SCARF1: variants seen among roughly 807,000 people sequenced by gnomAD.
SCARF1 encodes the protein acetyl LDL receptor.
SCARF1 carries 49 observed loss-of-function variants against 76.3 expected under a neutral mutation model. The ratio of observed to expected loss-of-function variants is 0.64; its 90% CI spans 0.51 to 0.81. The LOEUF (loss-of-function observed/expected upper bound fraction) is 0.81, where lower values mean the gene tolerates loss of function less well. SCARF1 is among the 40% of genes least tolerant of loss of function. The pLI, the probability that SCARF1 is intolerant of heterozygous loss-of-function variation, is 0.00. For synonymous variants in SCARF1, 495 were observed against 474.6 expected (o/e 1.04, Z -0.56); for missense variants, 1,098 against 1,143.9 (o/e 0.96, Z 0.58).
Position 1,644,333 on chromosome 17 carries a change from C to T in SCARF1, c.266-366G>A. ...TGGGCTGGAGGAGAGCTGGCTTTCT[C>T]CTGATCTCAGGCCTGGATACTGCCC... On this transcript the variant is annotated intron_variant, in intron 3 of 10. Transcript: ENST00000263071. The surrounding 1 kb of genome is among the most constrained non-coding windows in gnomAD (Gnocchi z 4.8). 3.5e-6 allele frequency: 1 copy of T among 285,966 alleles called. No individual in the cohort carries two copies. Among genetic ancestry groups the T allele is most frequent in the Non-Finnish European group, 6.5e-6 (1 of 153,204 alleles). The allele number at this position is 285,966 out of a possible 1,614,324, so 17.7% of individuals were successfully genotyped here.
rs372791729 is a variant in SCARF1, at chr17:1,640,716, G to A, written c.792-50C>T. 2.2e-5 allele frequency: 34 copies of A among 1,514,914 alleles called. No homozygotes were observed. The highest frequency in any genetic ancestry group is 2.0e-4 in the Middle Eastern group (1 of 4,928). The allele number at this position is 1,514,914 out of a possible 1,614,324, so 93.8% of individuals were successfully genotyped here. A position where few individuals can be genotyped will look rare whatever the true frequency, so the allele number is the denominator to read the frequency against. ...AACAGTGGGGGTGGATGGATGGAGC[G>A]CCCACCCCCTCCTACCCCTGTACTC... On this transcript the variant is annotated intron_variant, in intron 4 of 10. Coordinates refer to ENST00000263071, the MANE Select transcript of SCARF1 (RefSeq NM_003693.4). The surrounding 1 kb of genome is among the most constrained non-coding windows in gnomAD (Gnocchi z 4.7).
rs777229187 is a variant in SCARF1 at position 1,635,006 on chromosome 17, AGCCAGAGGCAAGGCCAGGGCT to A, written c.2224_2244del (p.Pro743_Ser749del). ...GCTGAGTTGGGGCTCTGGCCGACAG[AGCCAGAGGCAAGGCCAGGGCT>A]GCCCTTTTTCCGATTCAGGGCCTGG... On this transcript the variant is annotated inframe_deletion, in exon 11 of 11. Coordinates refer to ENST00000263071, the MANE Select transcript of SCARF1 (RefSeq NM_003693.4). 6.2e-7 allele frequency: 1 copy of A among 1,613,884 alleles called. No individual in the cohort carries two copies. Among genetic ancestry groups the A allele is most frequent in the Non-Finnish European group, 8.5e-7 (1 of 1,179,888 alleles).
In SCARF1 at chr17:1,637,011, C is replaced by T. The variant is rs201292021; in HGVS notation, c.1416G>A (p.Gly472=). 8 of 1,613,830 alleles carry T rather than the reference C, an allele frequency of 5.0e-6. No homozygotes were observed. Among genetic ancestry groups the T allele is most frequent in the Non-Finnish European group, 6.8e-6 (8 of 1,179,984 alleles). ...TVSRMKLQVW[G]TLTSLGSTLP... is the part of the protein sequence containing the mutation. ...GCGTGGAGCCCAAGCTGGTCAGTGTCCCCCAGACCTGCAGCTTCATCCTGG... is the reference window on the plus strand; with the variant it reads ...GCGTGGAGCCCAAGCTGGTCAGTGTTCCCCAGACCTGCAGCTTCATCCTGG... The change falls in exon 9 of 11, where the codon GGG becomes GGA. Residue 472 remains glycine (G), a synonymous_variant. Coordinates refer to ENST00000263071, the MANE Select transcript of SCARF1 (RefSeq NM_003693.4).
chr17:1,644,748 G>C lies in SCARF1; in HGVS notation c.265+86C>G. 7.7e-7 allele frequency: 1 copy of C among 1,297,308 alleles called. No individual in the cohort carries two copies. The highest frequency in any genetic ancestry group is 1.1e-6 in the Non-Finnish European group (1 of 924,372). 80.4% of individuals were successfully genotyped at this position (1,297,308 alleles called of 1,614,324 possible). On this transcript the variant is annotated intron_variant, in intron 3 of 10. Transcript: ENST00000263071. This position sits in a 1 kb window ranked among gnomAD's most constrained non-coding sequence, Gnocchi z 4.8. ...ATTCTGGCCCTGCTGTCCTGAGGCT[G>C]CATGGCTACCTGCCTCGCCTGCTCC...
chr17:1,640,543 G>A lies in SCARF1; in HGVS notation c.915C>T (p.Ser305=), dbSNP rs919427227. The change falls in exon 5 of 11, where the codon AGC becomes AGT. Residue 305 remains serine, a synonymous_variant. Coordinates refer to ENST00000263071, the MANE Select transcript of SCARF1 (RefSeq NM_003693.4). This position sits in a 1 kb window ranked among gnomAD's most constrained non-coding sequence, Gnocchi z 4.7. ...GGCAGTGAGGGCACTGCTGTTCGCA[G>A]CTCTCGCCAAAGGTGCCAGGCAGGC... ...QPCLPGTFGE[S]CEQQCPHCRH... 4 of 1,605,860 alleles carry A rather than the reference G, an allele frequency of 2.5e-6. No homozygotes were observed. Among genetic ancestry groups the A allele is most frequent in the Admixed American group, 1.7e-5 (1 of 59,416 alleles).
chr17:1,644,717 G>T lies in SCARF1; in HGVS notation c.265+117C>A, dbSNP rs1282249629. On this transcript the variant is annotated intron_variant, in intron 3 of 10. Coordinates refer to ENST00000263071, the MANE Select transcript of SCARF1 (RefSeq NM_003693.4). The surrounding 1 kb of genome is among the most constrained non-coding windows in gnomAD (Gnocchi z 4.8). ...GGACCGCAATTCCTCAGTGAAGCTG[G>T]GGGGGATTCTGGCCCTGCTGTCCTG... 3.5e-5 allele frequency: 33 copies of T among 936,822 alleles called. No homozygotes were observed. The highest frequency in any genetic ancestry group is 4.9e-5 in the Non-Finnish European group (30 of 609,574). 58.0% of individuals were successfully genotyped at this position (936,822 alleles called of 1,614,324 possible).
At chr17:1,642,146 C>G (rs574784724) in intron 4 of SCARF1, among the ~76,000 whole-genome samples, 2 of 151,408 alleles carry the variant, frequency 1.3e-5, no homozygotes. Context: ...TTGTAAGAAA[C>G]CATTTTTTTA....
At chr17:1,643,091 G>A (rs1450007097) in intron 4 of SCARF1, among the ~76,000 whole-genome samples, 1 of 147,192 alleles carries the variant, frequency 6.8e-6, no homozygotes, top group South Asian at 2.2e-4. Context: ...GCCCCGCCGC[G>A]GCCACCTGTC....
Position 1,644,067 on chromosome 17 carries a change from CT to C in SCARF1, c.266-101del. On this transcript the variant is annotated intron_variant, in intron 3 of 10. Transcript: ENST00000263071. This position sits in a 1 kb window ranked among gnomAD's most constrained non-coding sequence, Gnocchi z 4.8. Reference sequence around the variant, plus strand: ...AAGGAAAAGGGGCGCTGGGCCCATCCTCCAAGAGCCGGGGACAGACCCTCAG... The same window carrying C: ...AAGGAAAAGGGGCGCTGGGCCCATCCCCAAGAGCCGGGGACAGACCCTCAG... The C allele has an allele frequency of 1.0e-6, 1 of 975,106 alleles. No individual in the cohort carries two copies. The highest frequency in any genetic ancestry group is 1.3e-6 in the Non-Finnish European group (1 of 747,992). 60.4% of individuals were successfully genotyped at this position (975,106 alleles called of 1,614,324 possible). A position where few individuals can be genotyped will look rare whatever the true frequency, so the allele number is the denominator to read the frequency against.
chr17:1,639,730 G>T lies in SCARF1; in HGVS notation c.1152C>A (p.Ser384=). ...AGYWGPSCNA[S]CPAGFHGNNC... is the part of the protein sequence containing the mutation. ...TGTTTCCATGGAAACCGGCTGGGCAGGAGGCGTTGCAGCTATGGAGTGACA... is the reference window on the plus strand; with the variant it reads ...TGTTTCCATGGAAACCGGCTGGGCATGAGGCGTTGCAGCTATGGAGTGACA... The change falls in exon 7 of 11, where the codon TCC becomes TCA. Residue 384 remains serine (S), a synonymous_variant. Transcript: ENST00000263071. 6.2e-7 allele frequency: 1 copy of T among 1,601,110 alleles called. No individual in the cohort carries two copies. The highest frequency in any genetic ancestry group is 1.3e-5 in the African/African-American group (1 of 74,918).
Position 1,634,565 on chromosome 17 carries a change from G to A in SCARF1, c.*193C>T. 1 of 621,858 alleles carries A rather than the reference G, an allele frequency of 1.6e-6. No homozygotes were observed. Among genetic ancestry groups the A allele is most frequent in the East Asian group, 2.9e-5 (1 of 34,458 alleles). The allele number at this position is 621,858 out of a possible 1,614,324, so 38.5% of individuals were successfully genotyped here. A position where few individuals can be genotyped will look rare whatever the true frequency, so the allele number is the denominator to read the frequency against. On this transcript the variant is annotated 3_prime_UTR_variant, in exon 11 of 11. Transcript: ENST00000263071. ...CAACCCTTCCTGACCCCATCCTACA[G>A]GGTCTCTGCCCAGGCCTTCCTGGGC...
intron 8 of SCARF1, among the ~76,000 whole-genome samples, chr17:1,637,645 T>C (rs539730208): frequency 4.6e-5 from 7 of 152,256 alleles, no homozygotes; most frequent in Admixed American, 3.3e-4. Flanking sequence ...GCTAATTTTG[T>C]ATTTTTAGTA....
rs373965805 is a variant in SCARF1 at position 1,645,273 on chromosome 17, G to C, written c.102-34C>G. 24 of 1,607,818 alleles carry C rather than the reference G, an allele frequency of 1.5e-5. No homozygotes were observed. The highest frequency in any genetic ancestry group is 2.2e-5 in the East Asian group (1 of 44,852). ...CAAAAAGGGGTCAGCCGGACATGGT[G>C]GGGGGTGCAGCCTGGCCCTGAGGAA... On this transcript the variant is annotated intron_variant, in intron 1 of 10. Coordinates refer to ENST00000263071, the MANE Select transcript of SCARF1 (RefSeq NM_003693.4). The surrounding 1 kb of genome is among the most constrained non-coding windows in gnomAD (Gnocchi z 6.3).
At position 1,645,195 on chromosome 17, in the gene SCARF1, T is replaced by C; in HGVS notation, c.146A>G (p.Asp49Gly). Reference sequence around the variant, plus strand: ...CTACTCACGGATGGTGCATTCTTGATCCTTCTGCCTCCAGCCTGCGCAGCA... The same window carrying C: ...CTACTCACGGATGGTGCATTCTTGACCCTTCTGCCTCCAGCCTGCGCAGCA... The part of the protein sequence containing the change: ...LQCCAGWRQK[D>G]QECTIPICEG... Residue 49 changes from aspartate (D) to glycine (G), a missense_variant, in exon 2 of 11, where the codon GAT becomes GGT. Asp to Gly is a moderately conservative substitution (Grantham distance 94). Coordinates refer to ENST00000263071, the MANE Select transcript of SCARF1 (RefSeq NM_003693.4). The surrounding 1 kb of genome is among the most constrained non-coding windows in gnomAD (Gnocchi z 6.3). 1.2e-6 allele frequency: 2 copies of C among 1,613,726 alleles called. No homozygotes were observed. The highest frequency in any genetic ancestry group is 1.3e-5 in the African/African-American group (1 of 75,032).
rs931724063 is a variant in SCARF1, at chr17:1,643,892, G to T, written c.341C>A (p.Ala114Asp). 4.0e-5 allele frequency: 53 copies of T among 1,320,880 alleles called. 1 individual carries two copies. In the African/African-American group the frequency reaches 7.5e-4, roughly 19 times the overall value. 81.8% of individuals were successfully genotyped at this position (1,320,880 alleles called of 1,614,324 possible). ...GGCCTGGCACTGGCACGCGCCCGTG[G>T]CTGGCTCGCACTGGCCGTGCGGGTG... is the stretch of plus-strand genomic sequence containing the variant. ...PCHPHGQCEP[A>D]TGACQCQADR... The change falls in exon 4 of 11, where the codon GCC (alanine) becomes GAC (aspartate). Residue 114 changes from alanine (A) to aspartate (D), a missense_variant. Physicochemically the swap from Ala to Asp is moderately radical, Grantham distance 126 (BLOSUM62 -2). Coordinates refer to ENST00000263071, the MANE Select transcript of SCARF1 (RefSeq NM_003693.4).
rs139666183 is a variant in SCARF1, at chr17:1,635,461, T to C, written c.1790A>G (p.Lys597Arg). 5.0e-6 allele frequency: 8 copies of C among 1,613,912 alleles called. No individual in the cohort carries two copies. In the African/African-American group the frequency reaches 9.3e-5, roughly 19 times the overall value. Reference protein sequence around the residue: ...RPSVSFAEGTKFAPQSRRSSG... With the variant: ...RPSVSFAEGTRFAPQSRRSSG... ...GCTTCGGCGACTCTGTGGTGCAAAC[T>C]TGGTACCTTCCGCGAAGGAGACCGA... Residue 597 changes from lysine to arginine, a missense_variant, in exon 11 of 11, where the codon AAG becomes AGG. Physicochemically the swap from Lys to Arg is conservative, Grantham distance 26 (BLOSUM62 2). Transcript: ENST00000263071.
Position 1,645,272 on chromosome 17 carries a change from TG to T in SCARF1, c.102-34del, listed in dbSNP as rs764032450. The T allele has an allele frequency of 4.3e-6, 7 of 1,609,756 alleles. No homozygotes were observed. In the Admixed American group the frequency reaches 6.7e-5, roughly 15 times the overall value. Reference sequence around the variant, plus strand: ...GCAAAAAGGGGTCAGCCGGACATGGTGGGGGGTGCAGCCTGGCCCTGAGGAA... The same window carrying T: ...GCAAAAAGGGGTCAGCCGGACATGGTGGGGGTGCAGCCTGGCCCTGAGGAA... On this transcript the variant is annotated intron_variant, in intron 1 of 10. Transcript: ENST00000263071. The surrounding 1 kb of genome is among the most constrained non-coding windows in gnomAD (Gnocchi z 6.3).
rs1327125566 is a variant in SCARF1, at chr17:1,635,322, G to A, written c.1929C>T (p.Ala643=). The A allele has an allele frequency of 1.2e-6, 2 of 1,612,646 alleles. No individual in the cohort carries two copies. Among genetic ancestry groups the A allele is most frequent in the Non-Finnish European group, 1.7e-6 (2 of 1,179,384 alleles). The change falls in exon 11 of 11, where the codon GCC becomes GCT. Residue 643 remains alanine (A), a synonymous_variant. Coordinates refer to ENST00000263071, the MANE Select transcript of SCARF1 (RefSeq NM_003693.4). The part of the protein sequence containing the change: ...EESTGPEEAE[A]PESFPAAASP... ...TGGCAGCCGCCGGAAAGGACTCGGG[G>A]GCTTCTGCTTCCTCTGGGCCTGTGG...
chr17:1,640,734 C>G lies in SCARF1; in HGVS notation c.792-68G>C. 1 of 1,453,678 alleles carries G rather than the reference C, an allele frequency of 6.9e-7. No homozygotes were observed. The highest frequency in any genetic ancestry group is 9.5e-7 in the Non-Finnish European group (1 of 1,055,924). The allele number at this position is 1,453,678 out of a possible 1,614,324, so 90.0% of individuals were successfully genotyped here. On this transcript the variant is annotated intron_variant, in intron 4 of 10. Transcript: ENST00000263071. This position sits in a 1 kb window ranked among gnomAD's most constrained non-coding sequence, Gnocchi z 4.7. ...ATGGAGCGCCCACCCCCTCCTACCC[C>G]TGTACTCCACGCAGGCCTTCGGGGG... is the stretch of plus-strand genomic sequence containing the variant.
Sources: allele counts gnomAD v4.1 joint callset (sites outside exome capture counted in the v4.1 genomes callset), GRCh38; gene constraint gnomAD v4.1.1; non-coding constraint Gnocchi (gnomAD v3.1); transcripts MANE v1.5; gene names NCBI Gene and HGNC (gene_info 2026-07-23, HGNC 2026-07-21).